Variants in PDE11A observed in about 807,000 individuals in gnomAD.
PDE11A encodes the protein dual 3',5'-cyclic-AMP and -GMP phosphodiesterase 11A.
A neutral mutation model predicts 100.5 loss-of-function variants in PDE11A; 100 were observed. The ratio of observed to expected loss-of-function variants is 1.00; its 90% CI spans 0.85 to 1.18. The LOEUF is 1.18. Among genes scored for constraint, PDE11A ranks in the 50% most tolerant of loss-of-function variants. The probability of loss-of-function intolerance (pLI) is 0.00; values close to 1 mark genes in which losing one functional copy is unlikely to be tolerated. For synonymous variants in PDE11A, 381 were observed against 420.8 expected, an observed-to-expected ratio of 0.91 and a Z score of 1.16; for missense variants, 1,141 against 1,152.6, an observed-to-expected ratio of 0.99 and a Z score of 0.15.
At chr2:177,670,182 T>G (rs2080656068) in intron 17 of PDE11A, among the ~76,000 whole-genome samples, 1 of 152,170 alleles carries the variant, frequency 6.6e-6, no homozygotes, top group Non-Finnish European at 1.5e-5. Context: ...GGTCACGGTA[T>G]AGTTTGAAGA....
At chr2:177,857,072 A>G (rs975397023) in intron 5 of PDE11A, among the ~76,000 whole-genome samples, 1 of 152,048 alleles carries the variant, frequency 6.6e-6, no homozygotes, top group Non-Finnish European at 1.5e-5. Context: ...GTAACTCATT[A>G]TATAAAAGTA....
chr2:178,063,331 G>T (rs759448140), intron 1 of PDE11A, among the ~76,000 whole-genome samples: 9 of 152,108 alleles, frequency 5.9e-5, no homozygotes, highest in Non-Finnish European at 1.3e-4. Context: ...TGTATGTGTG[G>T]TACTGTGTTA....
intron 18 of PDE11A, 146 bp from the exon 19 acceptor site, chr2:177,664,095 T>A: frequency 1.6e-6 from 1 of 641,830 alleles, no homozygotes; most frequent in Non-Finnish European, 2.8e-6. Context: ...ATACTTTCTT[T>A]TCCTTTATCT....
At chr2:177,681,456 C>G (rs772849332) in intron 15 of PDE11A, among the ~76,000 whole-genome samples, 3 of 135,162 alleles carry the variant, frequency 2.2e-5, no homozygotes, top group African/African-American at 5.9e-5. Flanking sequence ...CTCAGCAACT[C>G]GCTTTGGAAA....
chr2:177,782,135 C>T (rs1002245832), intron 9 of PDE11A, among the ~76,000 whole-genome samples: 2 of 152,190 alleles, frequency 1.3e-5, no homozygotes, highest in African/African-American at 4.8e-5. Context: ...CCCAAACTAT[C>T]TTTCCCTCTA....
intron 5 of PDE11A, among the ~76,000 whole-genome samples, chr2:177,845,107 A>C: frequency 1.4e-5 from 2 of 146,288 alleles, no homozygotes; most frequent in African/African-American, 2.5e-5. Flanking sequence ...ACTTCCCAGT[A>C]GGGGCAGCCG....
intron 9 of PDE11A, among the ~76,000 whole-genome samples, chr2:177,776,098 GT>G (rs1251007854): frequency 6.6e-6 from 1 of 152,070 alleles, no homozygotes; most frequent in African/African-American, 2.4e-5. Flanking sequence ...CTGAATTAGT[GT>G]ATTTTTTTCA....
intron 3 of PDE11A, among the ~76,000 whole-genome samples, chr2:177,903,875 G>A (rs985207474): frequency 6.6e-6 from 1 of 152,192 alleles, no homozygotes; most frequent in Admixed American, 6.5e-5. Flanking sequence ...TATTGCTGGA[G>A]TTCCAGATGA....
At position 177,629,248 on chromosome 2, in the gene PDE11A, C is replaced by A; in HGVS notation, c.*159G>T. The A allele has an allele frequency of 1.4e-6, 1 of 726,390 alleles. No individual in the cohort carries two copies. The highest frequency in any genetic ancestry group is 1.5e-5 in the South Asian group (1 of 65,576). 45.0% of individuals were successfully genotyped at this position (726,390 alleles called of 1,614,324 possible). On this transcript the variant is annotated 3_prime_UTR_variant, in exon 20 of 20. Coordinates refer to ENST00000286063, the MANE Select transcript of PDE11A (RefSeq NM_016953.4). ...TTTGTCCTTCCCGTTGCTCTCTCTG[C>A]TGCTGACCATGCTTCAAGGTGAAAG...
chr2:177,669,823 A>G (rs1266721818), intron 17 of PDE11A, among the ~76,000 whole-genome samples: 3 of 152,066 alleles, frequency 2.0e-5, no homozygotes, highest in Admixed American at 1.3e-4. Flanking sequence ...TACGGCTTCC[A>G]TATTTGGGAT....
intron 12 of PDE11A, among the ~76,000 whole-genome samples, chr2:177,716,254 G>A (rs2081435409): frequency 6.6e-6 from 1 of 152,162 alleles, no homozygotes; most frequent in South Asian, 2.1e-4. Context: ...ACAGAGAGGG[G>A]ATGGAGACTT....
chr2:177,716,661 A>G (rs2081441676), intron 12 of PDE11A, among the ~76,000 whole-genome samples: 1 of 152,198 alleles, frequency 6.6e-6, no homozygotes, highest in South Asian at 2.1e-4. Flanking sequence ...CAAGTATGAA[A>G]TAATTACCTA....
At chr2:177,944,248 G>A (rs1050583556) in intron 2 of PDE11A, among the ~76,000 whole-genome samples, 2 of 152,170 alleles carry the variant, frequency 1.3e-5, no homozygotes, top group East Asian at 3.8e-4. Flanking sequence ...AGAGACAAGA[G>A]GAAAGGTATT....
intron 10 of PDE11A, among the ~76,000 whole-genome samples, chr2:177,737,432 T>TACACACACACACACACACAC: frequency 7.3e-6 from 1 of 136,550 alleles, no homozygotes. Flanking sequence ...CACACACACA[T>TACACACACACACACACACAC]ACACACACAC....
chr2:177,648,097 G>A (rs2080250484), intron 19 of PDE11A, among the ~76,000 whole-genome samples: 1 of 152,116 alleles, frequency 6.6e-6, no homozygotes, highest in Non-Finnish European at 1.5e-5. Flanking sequence ...GGGTGACAGA[G>A]TGAGACCCTG....
chr2:177,756,447 A>T (rs1292926945), intron 10 of PDE11A, among the ~76,000 whole-genome samples: 1 of 152,190 alleles, frequency 6.6e-6, no homozygotes, highest in Non-Finnish European at 1.5e-5. Flanking sequence ...CTGAATTCTA[A>T]ATCTTTTCTG....
intron 2 of PDE11A, among the ~76,000 whole-genome samples, chr2:177,944,675 CG>C (rs1458996171): frequency 6.6e-6 from 1 of 152,178 alleles, no homozygotes; most frequent in African/African-American, 2.4e-5. Flanking sequence ...TCCTCAGCTA[CG>C]ACTACCAGGT....
chr2:177,827,787 G>A (rs2083248809), intron 6 of PDE11A, among the ~76,000 whole-genome samples: 1 of 152,184 alleles, frequency 6.6e-6, no homozygotes. Context: ...GTAATGGTGA[G>A]GATATTTGTA....
chr2:178,015,389 G>A (rs976635972), intron 1 of PDE11A, among the ~76,000 whole-genome samples: 12 of 151,922 alleles, frequency 7.9e-5, no homozygotes, highest in African/African-American at 2.7e-4. Context: ...GAAACCTAAC[G>A]CTGGATGCTT....
Sources: allele counts gnomAD v4.1 joint callset (sites outside exome capture counted in the v4.1 genomes callset), GRCh38; gene constraint gnomAD v4.1.1; transcripts MANE v1.5; gene names NCBI Gene and HGNC (gene_info 2026-07-23, HGNC 2026-07-21).